The following PPFIBP2 variants were observed in gnomAD, a reference collection of about 807,000 sequenced individuals.
The protein encoded by PPFIBP2 is PPFIB scaffold protein 2, also known as liprin-beta-2.
In PPFIBP2, 118 loss-of-function variants were observed where a neutral mutation model predicts 118.3. The ratio of observed to expected loss-of-function variants is 1.00; its 90% confidence interval spans 0.86 to 1.16. PPFIBP2 has a LOEUF of 1.16. Among genes scored for constraint, PPFIBP2 ranks in the 50% most tolerant of loss-of-function variants. The pLI is 0.00. For missense variants in PPFIBP2, 1,195 were observed against 1,073.1 expected (o/e 1.11, Z -1.59); for synonymous variants, 414 against 397.4 (o/e 1.04, Z -0.50).
chr11:7,522,814 A>G (rs750171209), intron 1 of PPFIBP2, among the ~76,000 whole-genome samples: 1 of 152,212 alleles, frequency 6.6e-6, no homozygotes, highest in African/African-American at 2.4e-5. Flanking sequence ...CTTTTAGGGT[A>G]TCAGCGCTCT....
At chr11:7,603,326 G>T (rs895689692) in intron 5 of PPFIBP2, among the ~76,000 whole-genome samples, 2 of 152,216 alleles carry the variant, frequency 1.3e-5, no homozygotes, top group Non-Finnish European at 2.9e-5. Context: ...TTACAGATAA[G>T]AGTGAGGTTC....
chr11:7,525,240 G>A (rs1260753416), intron 1 of PPFIBP2, among the ~76,000 whole-genome samples: 1 of 152,092 alleles, frequency 6.6e-6, no homozygotes, highest in Non-Finnish European at 1.5e-5. Context: ...ACACCAATTC[G>A]CTATTGCTCC....
intron 2 of PPFIBP2, among the ~76,000 whole-genome samples, chr11:7,563,527 C>T (rs185607463): frequency 6.6e-6 from 1 of 152,238 alleles, no homozygotes; most frequent in African/African-American, 2.4e-5. Flanking sequence ...TTGTTTCCAT[C>T]TGTGTGGATT....
rs1850502199 is a variant in PPFIBP2 at position 7,529,509 on chromosome 11, CA to C, written c.-37+15389del. Among the ~76,000 whole-genome samples the C allele has an allele frequency of 2.6e-5, 4 of 152,236 alleles. No individual in the cohort carries two copies. The South Asian group carries it at 8.3e-4, about 32-fold the overall frequency. ...TTCTCAGATACCAGTACGGCTCAGCCATCTTCTCTCAAGGCCATCTCTAGAG... is the reference window on the plus strand; with the variant it reads ...TTCTCAGATACCAGTACGGCTCAGCCTCTTCTCTCAAGGCCATCTCTAGAG... On this transcript the variant is annotated intron_variant, in intron 1 of 23. Transcript: ENST00000299492.
downstream of PPFIBP2, among the ~76,000 whole-genome samples, chr11:7,660,544 T>C (rs1854868327): frequency 6.7e-6 from 1 of 149,872 alleles, no homozygotes; most frequent in South Asian, 2.1e-4. Context: ...CTGGATTCGT[T>C]TTGCCAGTAT....
At chr11:7,608,836 G>C (rs1055467524) in intron 5 of PPFIBP2, among the ~76,000 whole-genome samples, 1 of 152,194 alleles carries the variant, frequency 6.6e-6, no homozygotes, top group African/African-American at 2.4e-5. Context: ...TACAGAGGAG[G>C]CACTCAACAA....
intron 3 of PPFIBP2, among the ~76,000 whole-genome samples, chr11:7,588,649 T>C (rs1316951661): frequency 6.6e-6 from 1 of 152,214 alleles, no homozygotes. Context: ...GACCTTGATA[T>C]GACAACTCTG....
intron 2 of PPFIBP2, among the ~76,000 whole-genome samples, chr11:7,556,330 T>C (rs1011441720): frequency 1.6e-4 from 24 of 152,150 alleles, no homozygotes; most frequent in South Asian, 8.3e-4. Context: ...TGGCGGGCAC[T>C]TGTAGTCCCA....
chr11:7,528,827 G>A (rs1850438283), intron 1 of PPFIBP2, among the ~76,000 whole-genome samples: 1 of 152,158 alleles, frequency 6.6e-6, no homozygotes, highest in Admixed American at 6.5e-5. Context: ...GCTCAAGTTG[G>A]GGTTCTTATG....
chr11:7,577,330 T>TGTGTGTGC (rs1856532648), intron 3 of PPFIBP2: 2 of 246,866 alleles, frequency 8.1e-6, no homozygotes, highest in African/African-American at 3.0e-5. Flanking sequence ...CGTGTGTGTG[T>TGTGTGTGC]GTGTGTGTGT....
rs752279341 is a variant in PPFIBP2, at chr11:7,653,432, G to C, written c.*214G>C. 1.3e-4 allele frequency: 193 copies of C among 1,502,104 alleles called. No individual in the cohort carries two copies. The highest frequency in any genetic ancestry group is 1.6e-4 in the Non-Finnish European group (178 of 1,128,370). 93.0% of individuals were successfully genotyped at this position (1,502,104 alleles called of 1,614,324 possible). The stretch of plus-strand genomic sequence containing the variant: ...CCAGGCTTTGGGGACCATTGCCAAA[G>C]GTGGACTCAGGAGGAAAGACACTTA... On this transcript the variant is annotated 3_prime_UTR_variant, in exon 24 of 24. Transcript: ENST00000299492.
chr11:7,624,637 G>A (rs1849750886), intron 7 of PPFIBP2, among the ~76,000 whole-genome samples: 1 of 152,248 alleles, frequency 6.6e-6, no homozygotes, highest in South Asian at 2.1e-4. Flanking sequence ...CGGCTCCACG[G>A]TCGATGCTCA....
chr11:7,666,708 C>T, the PPFIBP2 span: 9 of 555,720 alleles, frequency 1.6e-5, no homozygotes, highest in East Asian at 6.1e-5. Context: ...TGCTGCTGCT[C>T]CTGAAGCTCA....
chr11:7,649,615 G>A lies in PPFIBP2; in HGVS notation c.2082G>A (p.Lys694=), dbSNP rs1470861012. 1.2e-6 allele frequency: 2 copies of A among 1,614,240 alleles called. No individual in the cohort carries two copies. The highest frequency in any genetic ancestry group is 1.1e-5 in the South Asian group (1 of 91,082). Residue 694 remains lysine (K), a synonymous_variant, in exon 21 of 24, where the codon AAG becomes AAA. Transcript: ENST00000299492. ...KCAIHVLHVN[K]FNPHCLHRRP... ...CCATTCACGTGCTGCATGTCAACAA[G>A]TTCAACCCCCACTGCCTGCACCGGC...
At chr11:7,582,792 A>G (rs6578885) in intron 3 of PPFIBP2, among the ~76,000 whole-genome samples, 96,839 of 151,620 alleles carry the variant, frequency 0.64, 31,828 homozygotes, top group African/African-American at 0.81. Flanking sequence ...ATGTAACTGT[A>G]TTTCAGCATC....
intron 1 of PPFIBP2, among the ~76,000 whole-genome samples, chr11:7,514,406 G>T (rs1260804360): frequency 6.6e-6 from 1 of 152,234 alleles, no homozygotes; most frequent in Non-Finnish European, 1.5e-5. Context: ...TCCTGCAGGT[G>T]CCAGCGTGGC....
At position 7,653,212 on chromosome 11, in the gene PPFIBP2, T is replaced by C. The variant is rs1453240909; in HGVS notation, c.2625T>C (p.Ile875=). The change falls in exon 24 of 24, where the codon ATT becomes ATC. Residue 875 remains isoleucine (I), a synonymous_variant. Coordinates refer to ENST00000299492, the MANE Select transcript of PPFIBP2 (RefSeq NM_003621.5). ...ATGGGCTGGACCAGGTGGGACAGAT[T>C]AGCTGATGCCCTTGTCACCTGCCCT... ...ELDGLDQVGQ[I]S is the part of the protein sequence containing the mutation. 1 of 1,614,146 alleles carries C rather than the reference T, an allele frequency of 6.2e-7. No homozygotes were observed. The highest frequency in any genetic ancestry group is 1.1e-5 in the South Asian group (1 of 91,088).
chr11:7,555,562 A>G (rs911938360), intron 2 of PPFIBP2, among the ~76,000 whole-genome samples: 1 of 152,188 alleles, frequency 6.6e-6, no homozygotes, highest in Non-Finnish European at 1.5e-5. Context: ...ATTCATCAGT[A>G]TCGGACTCGC....
chr11:7,628,179 A>T, intron 8 of PPFIBP2, 106 bp from the exon 9 acceptor site: 1 of 905,474 alleles, frequency 1.1e-6, no homozygotes, highest in East Asian at 2.7e-5. Context: ...TAAAGGAGCC[A>T]TGTTCACATG....
Sources: allele counts gnomAD v4.1 joint callset (sites outside exome capture counted in the v4.1 genomes callset), GRCh38; gene constraint gnomAD v4.1.1; transcripts MANE v1.5; gene names NCBI Gene and HGNC (gene_info 2026-07-23, HGNC 2026-07-21).